The following TRPC6 variants were observed in gnomAD, a reference collection of about 807,000 sequenced individuals.
TRPC6 encodes the protein transient receptor potential cation channel subfamily C member 6, also known as short transient receptor potential channel 6.
A neutral mutation model predicts 90.7 loss-of-function variants in TRPC6; 55 were observed. The observed-to-expected ratio is 0.61, with a 90% confidence interval of 0.49 to 0.76. The LOEUF is 0.76. Among genes scored for constraint, TRPC6 ranks in the 30% least tolerant of loss-of-function variants. TRPC6 has a pLI of 0.00. For missense variants in TRPC6, 989 were observed against 1,122.7 expected, an observed-to-expected ratio of 0.88 and a Z score of 1.70; for synonymous variants, 393 against 393.0, an observed-to-expected ratio of 1.00 and a Z score of 0.00.
intron 1 of TRPC6, among the ~76,000 whole-genome samples, chr11:101,557,629 C>A (rs370893209): frequency 0.021 from 2,804 of 134,670 alleles, 31 homozygotes; most frequent in African/African-American, 0.043. Context: ...CACACACACA[C>A]AAAAAAAAAC....
At chr11:101,518,268 G>T (rs181472306) in intron 1 of TRPC6, among the ~76,000 whole-genome samples, 141 of 152,084 alleles carry the variant, frequency 9.3e-4, no homozygotes, top group African/African-American at 3.3e-3. Context: ...CCACAGAATC[G>T]AAGAAAATAT....
intron 3 of TRPC6, among the ~76,000 whole-genome samples, chr11:101,489,360 TAATTG>T (rs1218423577): frequency 6.9e-6 from 1 of 144,524 alleles, no homozygotes; most frequent in Non-Finnish European, 1.5e-5. Context: ...GAAAAAATTT[TAATTG>T]AATATTATAA....
intron 1 of TRPC6, among the ~76,000 whole-genome samples, chr11:101,570,404 C>T (rs540071409): frequency 6.6e-6 from 1 of 152,214 alleles, no homozygotes; most frequent in Non-Finnish European, 1.5e-5. Context: ...CAAATAGAGT[C>T]CAGAACCAGA....
chr11:101,558,236 G>GTATACATGTATACAT (rs1861612606), intron 1 of TRPC6, among the ~76,000 whole-genome samples: 2 of 79,734 alleles, frequency 2.5e-5, no homozygotes, highest in Non-Finnish European at 2.6e-5. Context: ...CATGTATATG[G>GTATACATGTATACAT]GTATACATGT....
At chr11:101,466,486 C>T (rs1024277058) in intron 10 of TRPC6, among the ~76,000 whole-genome samples, 42 of 152,344 alleles carry the variant, frequency 2.8e-4, no homozygotes, top group African/African-American at 9.4e-4. Flanking sequence ...ACTTCCTGGC[C>T]GTTTTGTTTA....
intron 10 of TRPC6, among the ~76,000 whole-genome samples, chr11:101,468,827 T>C (rs1350998278): frequency 6.6e-6 from 1 of 152,222 alleles, no homozygotes; most frequent in Non-Finnish European, 1.5e-5. Context: ...ACCTGATACA[T>C]TGCCCTTTTC....
At chr11:101,538,028 T>C (rs1314617435) in intron 1 of TRPC6, among the ~76,000 whole-genome samples, 2 of 152,202 alleles carry the variant, frequency 1.3e-5, no homozygotes, top group Non-Finnish European at 2.9e-5. Context: ...TTTTTTTCCA[T>C]AGATCTCAAT....
In TRPC6 at chr11:101,453,644, A is replaced by C; in HGVS notation, c.2644+6T>G. 1 of 1,613,642 alleles carries C rather than the reference A, an allele frequency of 6.2e-7. No individual in the cohort carries two copies. Among genetic ancestry groups the C allele is most frequent in the Admixed American group, 1.7e-5 (1 of 59,984 alleles). Reference sequence around the variant, plus strand: ...AGGGGCTGATTTGCTTCTGCGTTCAACTCACCTTCGTTCACTTCATCACTC... The same window carrying C: ...AGGGGCTGATTTGCTTCTGCGTTCACCTCACCTTCGTTCACTTCATCACTC... On this transcript the variant is annotated splice_donor_region_variant and intron_variant, in intron 12 of 12. Transcript: ENST00000344327.
intron 10 of TRPC6, among the ~76,000 whole-genome samples, chr11:101,458,547 C>T (rs1179859956): frequency 6.6e-6 from 1 of 152,186 alleles, no homozygotes. Context: ...TCCTTTCAGA[C>T]TGTACATCTG....
At chr11:101,582,882 G>C (rs951264738) in intron 1 of TRPC6, among the ~76,000 whole-genome samples, 3 of 152,092 alleles carry the variant, frequency 2.0e-5, no homozygotes, top group Non-Finnish European at 4.4e-5. Context: ...CCAGCACCCA[G>C]GCAGCTCCAA....
At chr11:101,546,162 C>A (rs1231102897) in intron 1 of TRPC6, among the ~76,000 whole-genome samples, 1 of 74,868 alleles carries the variant, frequency 1.3e-5, no homozygotes, top group East Asian at 5.6e-4. Flanking sequence ...AGCTCCGCTT[C>A]CCGGGTTCAC....
At chr11:101,535,931 C>T (rs796693409) in intron 1 of TRPC6, among the ~76,000 whole-genome samples, 3 of 152,258 alleles carry the variant, frequency 2.0e-5, no homozygotes, top group Admixed American at 6.5e-5. Flanking sequence ...GTTTAAAATG[C>T]TCCAATTCTG....
At chr11:101,502,208 G>A (rs1296502539) in intron 2 of TRPC6, among the ~76,000 whole-genome samples, 1 of 152,110 alleles carries the variant, frequency 6.6e-6, no homozygotes, top group Non-Finnish European at 1.5e-5. Context: ...TGCATTTAGG[G>A]ACCATGAAGA....
At chr11:101,495,240 G>A (rs139465202) in intron 2 of TRPC6, among the ~76,000 whole-genome samples, 125 of 152,252 alleles carry the variant, frequency 8.2e-4, no homozygotes, top group African/African-American at 1.4e-3. Flanking sequence ...TGATCCTTTC[G>A]GAAGTTCCTC....
chr11:101,511,784 G>A (rs1860399265), intron 1 of TRPC6, among the ~76,000 whole-genome samples: 1 of 152,038 alleles, frequency 6.6e-6, no homozygotes, highest in South Asian at 2.1e-4. Context: ...CTGAGGTCAG[G>A]AGTTTGAGAT....
At chr11:101,454,607 T>C (rs1858842468) in intron 11 of TRPC6, among the ~76,000 whole-genome samples, 1 of 151,510 alleles carries the variant, frequency 6.6e-6, no homozygotes, top group African/African-American at 2.4e-5. Context: ...TATATAGTAT[T>C]ATATATGCAT....
At chr11:101,507,028 CACA>C (rs1245814238) in intron 1 of TRPC6, among the ~76,000 whole-genome samples, 1 of 150,496 alleles carries the variant, frequency 6.6e-6, no homozygotes, top group Non-Finnish European at 1.5e-5. Flanking sequence ...CACACACACA[CACA>C]CACACACACA....
chr11:101,578,972 G>T (rs7479835), intron 1 of TRPC6, among the ~76,000 whole-genome samples: 53,062 of 151,422 alleles, frequency 0.35, 10,098 homozygotes, highest in Non-Finnish European at 0.44. Flanking sequence ...TTTAAATGGG[G>T]TTTTTTTTCT....
chr11:101,535,208 A>T, intron 1 of TRPC6, among the ~76,000 whole-genome samples: 1 of 83,978 alleles, frequency 1.2e-5, no homozygotes, highest in Admixed American at 1.1e-4. Context: ...GGAAGGAAGG[A>T]AGGAAGGAAG....
Sources: gnomAD v4.1 joint callset for allele counts (sites outside exome capture counted in the v4.1 genomes callset) on GRCh38, gnomAD v4.1.1 for gene constraint, MANE v1.5 for transcripts, NCBI Gene and HGNC (gene_info 2026-07-23, HGNC 2026-07-21) for gene names.